Variants in C3orf70 observed in about 807,000 individuals in gnomAD.
The protein encoded by C3orf70 is chromosome 3 open reading frame 70, also known as UPF0524 protein C3orf70.
A neutral mutation model predicts 20.7 loss-of-function variants in C3orf70; 15 were observed. The ratio of observed to expected loss-of-function variants is 0.72; its 90% CI spans 0.48 to 1.11. The LOEUF is 1.11. Among genes scored for constraint, C3orf70 ranks in the 50% most tolerant of loss-of-function variants. The probability of loss-of-function intolerance (pLI) is 0.00; values close to 1 mark genes in which losing one functional copy is unlikely to be tolerated. For missense variants in C3orf70, 332 were observed against 317.6 expected (o/e 1.05, Z -0.34); for synonymous variants, 161 against 125.7 (o/e 1.28, Z -1.88).
chr3:185,149,394 C>CAAA (rs34153305), intron 1 of C3orf70, among the ~76,000 whole-genome samples: 86 of 104,346 alleles, frequency 8.2e-4, no homozygotes, highest in Middle Eastern at 5.0e-3. Context: ...CTCTGTCTCC[C>CAAA]AAAAAAAAAA....
intron 1 of C3orf70, among the ~76,000 whole-genome samples, chr3:185,146,005 A>G (rs573237590): frequency 6.6e-6 from 1 of 152,180 alleles, no homozygotes; most frequent in African/African-American, 2.4e-5. Flanking sequence ...TATCTCTGGA[A>G]GAACCTATCA....
chr3:185,152,492 C>T, intron 1 of C3orf70, 136 bp downstream of exon 1: 1 of 621,904 alleles, frequency 1.6e-6, no homozygotes, highest in Non-Finnish European at 2.4e-6. Context: ...GAGCCCACGG[C>T]GGCCCCAGCC....
At chr3:185,107,615 C>T (rs1365861706) in intron 1 of C3orf70, among the ~76,000 whole-genome samples, 1 of 152,126 alleles carries the variant, frequency 6.6e-6, no homozygotes, top group East Asian at 1.9e-4. Context: ...TAAAGAGAAA[C>T]TGGGGGCTTT....
At chr3:185,149,918 ATTAT>A (rs1427399774) in intron 1 of C3orf70, among the ~76,000 whole-genome samples, 7 of 152,214 alleles carry the variant, frequency 4.6e-5, no homozygotes, top group African/African-American at 1.7e-4. Context: ...CTAAATTCAG[ATTAT>A]TTATTTTAAA....
intron 1 of C3orf70, among the ~76,000 whole-genome samples, chr3:185,106,587 G>C (rs62289769): frequency 0.059 from 9,049 of 152,342 alleles, 377 homozygotes; most frequent in South Asian, 0.11. Flanking sequence ...ATGGGAACCT[G>C]ATTTTGGGAA....
Sources: allele counts gnomAD v4.1 joint callset (sites outside exome capture counted in the v4.1 genomes callset), GRCh38; gene constraint gnomAD v4.1.1; transcripts MANE v1.5; gene names NCBI Gene and HGNC (gene_info 2026-07-23, HGNC 2026-07-21).